The following TANC2 variants were observed in gnomAD, a reference collection of about 807,000 sequenced individuals.
TANC2 encodes the protein protein TANC2.
A neutral mutation model predicts 210.5 loss-of-function variants in TANC2; 26 were observed. The ratio of observed to expected loss-of-function variants is 0.12; its 90% CI spans 0.09 to 0.17. The LOEUF (loss-of-function observed/expected upper bound fraction) is 0.17. TANC2 is among the 10% of genes least tolerant of loss of function. The probability of loss-of-function intolerance (pLI) is 1.00; values close to 1 mark genes in which losing one functional copy is unlikely to be tolerated. For synonymous variants in TANC2, 931 were observed against 967.1 expected (o/e 0.96, Z 0.69); for missense variants, 2,129 against 2,608.9 (o/e 0.82, Z 4.01).
intron 2 of TANC2, 22 bp from the exon 3 acceptor site, chr17:63,073,921 T>C (rs1408903275): frequency 1.3e-6 from 2 of 1,561,558 alleles, no homozygotes; most frequent in Non-Finnish European, 1.7e-6. Context: ...TATTTGCTTA[T>C]GCTCCTTTTA....
intron 9 of TANC2, among the ~76,000 whole-genome samples, chr17:63,295,222 A>G (rs2044498557): frequency 6.6e-6 from 1 of 152,178 alleles, no homozygotes; most frequent in African/African-American, 2.4e-5. Context: ...TTGTTTTGCC[A>G]TATGGTACTG....
chr17:63,263,547 A>G (rs192715283), intron 8 of TANC2, among the ~76,000 whole-genome samples: 76 of 152,332 alleles, frequency 5.0e-4, no homozygotes, highest in African/African-American at 1.7e-3. Flanking sequence ...CTGTAAATCA[A>G]ATCTGAGTTG....
chr17:63,385,830 T>C (rs2047761520), intron 15 of TANC2, among the ~76,000 whole-genome samples: 1 of 152,176 alleles, frequency 6.6e-6, no homozygotes, highest in Non-Finnish European at 1.5e-5. Context: ...GGAAATAATC[T>C]TGTGGTGTGA....
chr17:63,077,494 G>A (rs1055596677), intron 3 of TANC2, among the ~76,000 whole-genome samples: 1 of 152,156 alleles, frequency 6.6e-6, no homozygotes, highest in Non-Finnish European at 1.5e-5. Context: ...AGTTCAGATT[G>A]GAGTGGGTTA....
intron 1 of TANC2, among the ~76,000 whole-genome samples, chr17:62,979,048 A>G (rs917250907): frequency 5.3e-5 from 8 of 152,220 alleles, no homozygotes; most frequent in Admixed American, 4.6e-4. Context: ...CATAGTATTC[A>G]TGGATCATAA....
At chr17:63,014,579 G>C (rs1429743840) in intron 2 of TANC2, among the ~76,000 whole-genome samples, 4 of 152,112 alleles carry the variant, frequency 2.6e-5, no homozygotes, top group Non-Finnish European at 4.4e-5. Context: ...TTCCGAGTCT[G>C]TGTTATTGTG....
At position 63,284,751 on chromosome 17, in the gene TANC2, G is replaced by T. The variant is rs60772811; in HGVS notation, c.1159+16878G>T. On this transcript the variant is annotated intron_variant, in intron 9 of 27. Transcript: ENST00000689528. ...AGACACTTCTATAAATATCAAATAGGTCAAATTGTTTTTTTCAAGTCTTCT... is the reference window on the plus strand; with the variant it reads ...AGACACTTCTATAAATATCAAATAGTTCAAATTGTTTTTTTCAAGTCTTCT... Among the ~76,000 whole-genome samples, 632 of 152,076 alleles carry T rather than the reference G, an allele frequency of 4.2e-3. 5 individuals are homozygous for T. The highest frequency in any genetic ancestry group is 0.014 in the African/African-American group (598 of 41,524).
At chr17:63,424,142 C>T (rs2049089444) in exon 28 of TANC2, 1 of 152,220 alleles carries the variant, frequency 6.6e-6, no homozygotes, top group African/African-American at 2.4e-5. Context: ...ACGCCACACA[C>T]CACCCGCACT....
At chr17:62,974,091 C>A (rs546438582) in intron 1 of TANC2, among the ~76,000 whole-genome samples, 1 of 152,184 alleles carries the variant, frequency 6.6e-6, no homozygotes, top group Non-Finnish European at 1.5e-5. Flanking sequence ...ATTAAGTGTT[C>A]GTTGAATATC....
At position 63,098,515 on chromosome 17, in the gene TANC2, G is replaced by GTATA. The variant is rs373665673; in HGVS notation, c.140-644_140-641dup. 7.6e-3 allele frequency among the ~76,000 whole-genome samples: 966 copies of GTATA among 126,720 alleles called. 42 individuals carry two copies. Among genetic ancestry groups the GTATA allele is most frequent in the African/African-American group, 0.024 (834 of 34,896 alleles). The allele number at this position is 126,720 out of a possible 152,430, so 83.1% of individuals were successfully genotyped here. ...TCTCTCTCTCTCTCTCTCTCTGTGTGTATATATATATATATATATGTAAAA... is the reference window on the plus strand; with the variant it reads ...TCTCTCTCTCTCTCTCTCTCTGTGTGTATATATATATATATATATATATGTAAAA... On this transcript the variant is annotated intron_variant, in intron 3 of 27. Transcript: ENST00000689528.
intron 5 of TANC2, among the ~76,000 whole-genome samples, chr17:63,172,573 A>C (rs1255950529): frequency 6.6e-6 from 1 of 152,202 alleles, no homozygotes; most frequent in Non-Finnish European, 1.5e-5. Flanking sequence ...AAACACTAAA[A>C]TTATGAAAAT....
At chr17:63,413,675 T>G in intron 25 of TANC2, 41 bp downstream of exon 25, 1 of 1,514,830 alleles carries the variant, frequency 6.6e-7, no homozygotes, top group Non-Finnish European at 9.0e-7. Context: ...GAACAGCCAC[T>G]GACTGTTTTC....
intron 11 of TANC2, chr17:63,333,904 A>C (rs555111968): frequency 6.6e-6 from 1 of 152,232 alleles, no homozygotes; most frequent in Non-Finnish European, 1.5e-5. Context: ...TTAACAATAA[A>C]GTATTTTTAA....
intron 10 of TANC2, among the ~76,000 whole-genome samples, chr17:63,318,238 T>C (rs1399096403): frequency 1.3e-5 from 2 of 152,228 alleles, no homozygotes; most frequent in African/African-American, 4.8e-5. Context: ...TATGATCTTA[T>C]TCATAAATAT....
Position 63,105,128 on chromosome 17 carries a change from AAGTC to A in TANC2, c.322+5780_322+5783del, listed in dbSNP as rs541376682. 1.6e-4 allele frequency among the ~76,000 whole-genome samples: 24 copies of A among 151,822 alleles called. No individual in the cohort carries two copies. In the South Asian group the frequency reaches 3.5e-3, roughly 22 times the overall value. On this transcript the variant is annotated intron_variant, in intron 4 of 27. Coordinates refer to ENST00000689528, the Ensembl canonical transcript of TANC2. ...GTAGCCTTCAAGAAACAATTACGCTAAGTCAGTCAGTCTACTTTTCTGAGGAGTA... is the reference window on the plus strand; with the variant it reads ...GTAGCCTTCAAGAAACAATTACGCTAAGTCAGTCTACTTTTCTGAGGAGTA...
intron 2 of TANC2, among the ~76,000 whole-genome samples, chr17:63,066,236 G>A (rs1192896243): frequency 6.6e-6 from 1 of 152,118 alleles, no homozygotes; most frequent in Admixed American, 6.5e-5. Flanking sequence ...TGGGGCTAGT[G>A]TGGAGCCTGT....
At chr17:63,003,879 G>T (rs1005181845) in intron 1 of TANC2, among the ~76,000 whole-genome samples, 3 of 152,084 alleles carry the variant, frequency 2.0e-5, no homozygotes, top group Admixed American at 6.6e-5. Context: ...TAGTGAGACA[G>T]TCTGTTTTTT....
chr17:63,358,285 C>T (rs1423507205), intron 14 of TANC2, among the ~76,000 whole-genome samples: 1 of 151,048 alleles, frequency 6.6e-6, no homozygotes, highest in Non-Finnish European at 1.5e-5. Flanking sequence ...AGAGAATGAC[C>T]TAACGTTACA....
intron 7 of TANC2, among the ~76,000 whole-genome samples, chr17:63,219,338 AC>A (rs2042107385): frequency 6.6e-6 from 1 of 152,194 alleles, no homozygotes; most frequent in South Asian, 2.1e-4. Context: ...AATTATTGTA[AC>A]ATCCAGATAT....
Sources: allele counts gnomAD v4.1 joint callset (sites outside exome capture counted in the v4.1 genomes callset), GRCh38; gene constraint gnomAD v4.1.1; transcripts MANE v1.5; gene names NCBI Gene and HGNC (gene_info 2026-07-23, HGNC 2026-07-21).